IST1: variants seen among roughly 807,000 people sequenced by gnomAD.
IST1 encodes IST1 factor associated with ESCRT-III.
A neutral mutation model predicts 37.0 loss-of-function variants in IST1; 23 were observed. The observed-to-expected ratio is 0.62, with a 90% CI of 0.45 to 0.88. IST1 has a LOEUF of 0.88. Ranked by LOEUF, IST1 falls within the 40% of genes least tolerant of loss-of-function variation. The pLI, the probability that IST1 is intolerant of heterozygous loss-of-function variation, is 0.00. For synonymous variants in IST1, 180 were observed against 161.7 expected, an observed-to-expected ratio of 1.11 and a Z score of -0.86; for missense variants, 488 against 445.4, an observed-to-expected ratio of 1.10 and a Z score of -0.86.
At chr16:71,899,969 C>T (rs981191356) in intron 1 of IST1, among the ~76,000 whole-genome samples, 2 of 149,252 alleles carry the variant, frequency 1.3e-5, no homozygotes, top group Admixed American at 1.4e-4. Flanking sequence ...TGCACTCTAG[C>T]CTCGGCGACA....
intron 1 of IST1, among the ~76,000 whole-genome samples, chr16:71,913,775 A>G (rs2142561342): frequency 6.6e-6 from 1 of 152,246 alleles, no homozygotes; most frequent in Non-Finnish European, 1.5e-5. Context: ...GACTGGGATT[A>G]CAGACATAAG....
intron 1 of IST1, among the ~76,000 whole-genome samples, chr16:71,910,482 C>T (rs1012130062): frequency 3.3e-5 from 5 of 151,372 alleles, no homozygotes; most frequent in Admixed American, 6.6e-5. Flanking sequence ...GGCGGGCGCC[C>T]GTAGTCCCAG....
In IST1 at chr16:71,929,461, A is replaced by ATAAT; in HGVS notation, c.*1650_*1653dup. 1 of 1,349,412 alleles carries ATAAT rather than the reference A, an allele frequency of 7.4e-7. No individual in the cohort carries two copies. The highest frequency in any genetic ancestry group is 9.9e-7 in the Non-Finnish European group (1 of 1,009,850). 83.6% of individuals were successfully genotyped at this position (1,349,412 alleles called of 1,614,324 possible). On this transcript the variant is annotated 3_prime_UTR_variant, in exon 10 of 10. Transcript: ENST00000378799. ...TACAGAATTAAAAACAAAGTATATT[A>ATAAT]TAATTTTAAAGCTATGCCATGCAAA...
intron 7 of IST1, among the ~76,000 whole-genome samples, 195 bp from the exon 8 acceptor site, chr16:71,923,093 G>C (rs2037647976): frequency 6.6e-6 from 1 of 152,180 alleles, no homozygotes; most frequent in Non-Finnish European, 1.5e-5. Context: ...ATAAAGAATA[G>C]CCTTTGGCTC....
intron 1 of IST1, among the ~76,000 whole-genome samples, chr16:71,913,368 T>C (rs2037400164): frequency 6.6e-6 from 1 of 152,200 alleles, no homozygotes; most frequent in Admixed American, 6.5e-5. Context: ...TTAATGATAT[T>C]GGCACTTTTG....
chr16:71,906,053 G>A (rs558591520), intron 1 of IST1, among the ~76,000 whole-genome samples: 1 of 148,080 alleles, frequency 6.8e-6, no homozygotes, highest in East Asian at 2.0e-4. Flanking sequence ...ACTGAGGCTG[G>A]AGTGCAGTGG....
chr16:71,903,313 A>AT (rs749989928), intron 1 of IST1: 2 of 151,898 alleles, frequency 1.3e-5, no homozygotes, highest in East Asian at 1.9e-4. Context: ...TAATGATATA[A>AT]TTTTTTCTCT....
chr16:71,909,085 TTTTG>T (rs1396126722), intron 1 of IST1, among the ~76,000 whole-genome samples: 8 of 147,574 alleles, frequency 5.4e-5, no homozygotes, highest in Non-Finnish European at 1.0e-4. Context: ...TTTTGTCAAA[TTTTG>T]TTTGTCTTTT....
chr16:71,910,231 A>G (rs1350412040), intron 1 of IST1, among the ~76,000 whole-genome samples: 3 of 152,100 alleles, frequency 2.0e-5, no homozygotes, highest in African/African-American at 7.2e-5. Flanking sequence ...CTGGGATGTG[A>G]ATTACCCCTT....
chr16:71,898,692 A>G (rs2037034478), intron 1 of IST1, among the ~76,000 whole-genome samples: 1 of 144,600 alleles, frequency 6.9e-6, no homozygotes, highest in South Asian at 2.2e-4. Context: ...AAAAGGAAAC[A>G]CTGAGGCCAG....
At chr16:71,924,138 G>GC (rs1216532463) in intron 8 of IST1, 2 of 455,968 alleles carry the variant, frequency 4.4e-6, no homozygotes, top group Non-Finnish European at 8.8e-6. Flanking sequence ...CTTTGGTTTT[G>GC]CATGCGTCAC....
Position 71,922,494 on chromosome 16 carries a change from A to G in IST1, c.573A>G (p.Val191=). The G allele has an allele frequency of 6.2e-7, 1 of 1,613,546 alleles. No individual in the cohort carries two copies. The highest frequency in any genetic ancestry group is 1.1e-5 in the South Asian group (1 of 91,076). The change falls in exon 7 of 10, where the codon GTA becomes GTG. Residue 191 remains valine (V), a synonymous_variant. Coordinates refer to ENST00000378799, the MANE Select transcript of IST1 (RefSeq NM_001270975.2). ...CTCAGGCAGAAGCTCCTCCTGGGGTAGAGACAGATCTTATTGATGTTGGAT... is the reference window on the plus strand; with the variant it reads ...CTCAGGCAGAAGCTCCTCCTGGGGTGGAGACAGATCTTATTGATGTTGGAT... ...SVVMAEAPPG[V]ETDLIDVGFT... is the part of the protein sequence containing the mutation.
Position 71,927,812 on chromosome 16 carries a change from A to G in IST1, c.1100A>G (p.Ter367TrpextTer3). The G allele has an allele frequency of 6.2e-7, 1 of 1,612,050 alleles. No individual in the cohort carries two copies. Among genetic ancestry groups the G allele is most frequent in the Non-Finnish European group, 8.5e-7 (1 of 1,178,488 alleles). Residue 367 changes from the stop codon to tryptophan (W), a stop_lost, in exon 10 of 10, where the codon TAG (stop) becomes TGG (tryptophan). Coordinates refer to ENST00000378799, the MANE Select transcript of IST1 (RefSeq NM_001270975.2). ...RRFEELKKKT[*>W] is the part of the protein sequence containing the mutation. ...TTTGAAGAGCTGAAAAAGAAAACAT[A>G]GGTCTCTTAAACCAGGCAACTTTCA...
At chr16:71,924,525 A>G in intron 8 of IST1, 1 of 575,878 alleles carries the variant, frequency 1.7e-6, no homozygotes, top group Non-Finnish European at 3.1e-6. Flanking sequence ...CAGGAAGTGG[A>G]GGCTGTGGTG....
intron 7 of IST1, 87 bp downstream of exon 7, chr16:71,922,767 T>A: frequency 9.1e-7 from 1 of 1,100,244 alleles, no homozygotes; most frequent in South Asian, 1.4e-5. Context: ...AATCATAGGT[T>A]GTCAGGAGCC....
At chr16:71,909,709 T>G (rs1377008021) in intron 1 of IST1, among the ~76,000 whole-genome samples, 2 of 152,246 alleles carry the variant, frequency 1.3e-5, no homozygotes, top group Non-Finnish European at 2.9e-5. Flanking sequence ...ACATGTTCAC[T>G]TCTAGGATTA....
In IST1 at chr16:71,898,138, G is replaced by A. The variant is rs548724924; in HGVS notation, c.-16+2549G>A. On this transcript the variant is annotated intron_variant, in intron 1 of 9. Coordinates refer to ENST00000378799, the MANE Select transcript of IST1 (RefSeq NM_001270975.2). Reference sequence around the variant, plus strand: ...GCCTGTAATCCCAGCACTTTGGGAGGCTGAGGCAGGCAGATCACTTGAGGT... The same window carrying A: ...GCCTGTAATCCCAGCACTTTGGGAGACTGAGGCAGGCAGATCACTTGAGGT... Among the ~76,000 whole-genome samples, 47 of 152,184 alleles carry A rather than the reference G, an allele frequency of 3.1e-4. 2 individuals carry two copies. In the South Asian group the frequency reaches 9.3e-3, roughly 30 times the overall value.
At chr16:71,895,669 C>T (rs930727476) in intron 1 of IST1, 80 bp downstream of exon 1, 22 of 524,268 alleles carry the variant, frequency 4.2e-5, no homozygotes, top group Non-Finnish European at 5.1e-5. Flanking sequence ...CTCTAGTTAG[C>T]GCTAGGGCCC....
At chr16:71,895,631 C>T (rs954047413) in intron 1 of IST1, 42 bp downstream of exon 1, 24 of 813,740 alleles carry the variant, frequency 2.9e-5, no homozygotes, top group South Asian at 5.6e-5. Flanking sequence ...CTGTCTTCCT[C>T]TTCTCTCTGC....
Sources: gnomAD v4.1 joint callset for allele counts (sites outside exome capture counted in the v4.1 genomes callset) on GRCh38, gnomAD v4.1.1 for gene constraint, MANE v1.5 for transcripts, NCBI Gene and HGNC (gene_info 2026-07-23, HGNC 2026-07-21) for gene names.